KLHL36: variants seen among roughly 807,000 people sequenced by gnomAD.
KLHL36 encodes the protein kelch-like protein 36.
Under a neutral mutation model 53.3 loss-of-function variants are expected in KLHL36, and 35 were observed. That is an observed-to-expected ratio of 0.66 (90% CI 0.50 to 0.87). KLHL36 has a LOEUF of 0.87. Ranked by LOEUF, KLHL36 falls within the 40% of genes least tolerant of loss-of-function variation. The pLI is 0.00. For missense variants in KLHL36, 864 were observed against 897.6 expected (o/e 0.96, Z 0.48); for synonymous variants, 472 against 398.9 (o/e 1.18, Z -2.18).
intron 2 of KLHL36, among the ~76,000 whole-genome samples, chr16:84,652,603 A>T (rs1240157394): frequency 6.6e-6 from 1 of 152,126 alleles, no homozygotes; most frequent in Non-Finnish European, 1.5e-5. Context: ...AAGTGTACCC[A>T]TTAATTTCTA....
At chr16:84,660,695 C>T (rs1273466885) in intron 4 of KLHL36, among the ~76,000 whole-genome samples, 1 of 152,140 alleles carries the variant, frequency 6.6e-6, no homozygotes, top group Non-Finnish European at 1.5e-5. Context: ...GATCTCGGCT[C>T]ACTGCAATCT....
In KLHL36 at chr16:84,666,245, C is replaced by T. The variant is rs1455760389; in HGVS notation, c.*4112C>T. On this transcript the variant is annotated 3_prime_UTR_variant, in exon 5 of 5. Transcript: ENST00000564996. ...TAGAATGCCTGCCGGGGTTTTCCAC[C>T]TCATCCCTTTCCTCCGGCCCCTTGA... 6.6e-6 allele frequency: 1 copy of T among 152,190 alleles called. No individual in the cohort carries two copies. The highest frequency in any genetic ancestry group is 1.5e-5 in the Non-Finnish European group (1 of 68,034). The allele number at this position is 152,190 out of a possible 1,614,324, so 9.4% of individuals were successfully genotyped here.
Position 84,666,951 on chromosome 16 carries a change from C to G in KLHL36, c.*4818C>G, listed in dbSNP as rs1597230411. 1 of 151,762 alleles carries G rather than the reference C, an allele frequency of 6.6e-6. No homozygotes were observed. The highest frequency in any genetic ancestry group is 1.5e-5 in the Non-Finnish European group (1 of 68,022). 9.4% of individuals were successfully genotyped at this position (151,762 alleles called of 1,614,324 possible). On this transcript the variant is annotated 3_prime_UTR_variant, in exon 5 of 5. Coordinates refer to ENST00000564996, the MANE Select transcript of KLHL36 (RefSeq NM_024731.4). ...GTCGTGGTCGCCTGTAATCTCAGCT[C>G]TTCCGGAGGCTGAGGCAGGAGAATC... is the stretch of plus-strand genomic sequence containing the variant.
At chr16:84,655,044 G>T (rs1026627297) in intron 2 of KLHL36, among the ~76,000 whole-genome samples, 4 of 151,774 alleles carry the variant, frequency 2.6e-5, no homozygotes, top group African/African-American at 9.7e-5. Flanking sequence ...CTCTCTTTGT[G>T]GGTAACCAGG....
chr16:84,662,094 G>T lies in KLHL36; in HGVS notation c.1812G>T (p.Lys604Asn), dbSNP rs1448610006. ...ALEPRPEDKK[K>N]KGKGKRHQDR... ...AGCCACGGCCAGAGGACAAGAAGAA[G>T]AAAGGCAAAGGCAAGAGGCACCAGG... Residue 604 changes from lysine to asparagine, a missense_variant, in exon 5 of 5, where the codon AAG (lysine) becomes AAT (asparagine). By Grantham distance (94) the Lys-to-Asn change is moderately conservative (BLOSUM62 0). Coordinates refer to ENST00000564996, the MANE Select transcript of KLHL36 (RefSeq NM_024731.4). 3 of 1,569,536 alleles carry T rather than the reference G, an allele frequency of 1.9e-6. No individual in the cohort carries two copies. The highest frequency in any genetic ancestry group is 2.6e-6 in the Non-Finnish European group (3 of 1,156,652).
Position 84,657,694 on chromosome 16 carries a change from G to T in KLHL36, c.887G>T (p.Arg296Leu), listed in dbSNP as rs773616478. The T allele has an allele frequency of 2.2e-5, 36 of 1,612,600 alleles. No homozygotes were observed. The highest frequency in any genetic ancestry group is 3.3e-5 in the South Asian group (3 of 91,062). ...KRTALRTNQERLLFVGGEVSE... is the reference protein window; with the variant it reads ...KRTALRTNQELLLFVGGEVSE... ...ACGGCGCTGCGCACCAACCAGGAGC[G>T]CCTGCTGTTTGTGGGCGGCGAGGTC... The change falls in exon 3 of 5, where the codon CGC (arginine) becomes CTC (leucine). Residue 296 changes from arginine to leucine, a missense_variant. Physicochemically the swap from Arg to Leu is moderately radical, Grantham distance 102 (BLOSUM62 -2). Coordinates refer to ENST00000564996, the MANE Select transcript of KLHL36 (RefSeq NM_024731.4).
intron 3 of KLHL36, chr16:84,659,547 C>T: frequency 1.8e-6 from 1 of 548,032 alleles, no homozygotes. Context: ...CAGAGCGTCT[C>T]CATCCCACTT....
At chr16:84,658,007 C>A in intron 3 of KLHL36, 63 bp downstream of exon 3, 1 of 1,214,362 alleles carries the variant, frequency 8.2e-7, no homozygotes, top group Non-Finnish European at 1.1e-6. Flanking sequence ...TTAACCTAGC[C>A]TTGACTTTCC....
chr16:84,661,911 G>A lies in KLHL36; in HGVS notation c.1629G>A (p.Val543=), dbSNP rs1295472057. Residue 543 remains valine, a synonymous_variant, in exon 5 of 5, where the codon GTG becomes GTA. Transcript: ENST00000564996. The surrounding 1 kb of genome is among the most constrained non-coding windows in gnomAD (Gnocchi z 7.9). ...CCAACAGCGAGTCGGGCGTGGCAGTGTGGGAGGGCCGCATCTACATCCTGG... is the reference window on the plus strand; with the variant it reads ...CCAACAGCGAGTCGGGCGTGGCAGTATGGGAGGGCCGCATCTACATCCTGG... The part of the protein sequence containing the change: ...LHANSESGVA[V]WEGRIYILGG... 1.9e-6 allele frequency: 3 copies of A among 1,599,750 alleles called. No individual in the cohort carries two copies. The highest frequency in any genetic ancestry group is 8.5e-7 in the Non-Finnish European group (1 of 1,171,054).
chr16:84,651,122 T>C lies in KLHL36; in HGVS notation c.63+192T>C, dbSNP rs79559248. On this transcript the variant is annotated intron_variant, in intron 2 of 4. Transcript: ENST00000564996. ...ATCAGACAGTGGGAAGTATGAGGGA[T>C]GGTAGAGACGCTATGGCCAGATGTC... is the stretch of plus-strand genomic sequence containing the variant. Among the ~76,000 whole-genome samples, 550 of 152,078 alleles carry C rather than the reference T, an allele frequency of 3.6e-3. 3 individuals carry two copies. The highest frequency in any genetic ancestry group is 0.013 in the African/African-American group (526 of 41,470).
chr16:84,651,538 T>C (rs901260879), intron 2 of KLHL36, among the ~76,000 whole-genome samples: 1 of 152,202 alleles, frequency 6.6e-6, no homozygotes, highest in Non-Finnish European at 1.5e-5. Context: ...CCACAGCTGC[T>C]GTTGGTAAAG....
At chr16:84,657,977 T>G in intron 3 of KLHL36, 33 bp downstream of exon 3, 1 of 1,442,248 alleles carries the variant, frequency 6.9e-7, no homozygotes, top group Non-Finnish European at 9.2e-7. Flanking sequence ...TCTTTTCTCT[T>G]GAGGACTCTC....
Position 84,662,604 on chromosome 16 carries a change from G to T in KLHL36, c.*471G>T, listed in dbSNP as rs1176808781. Reference sequence around the variant, plus strand: ...AACCACCAGGAACGGGGAGGAGGTGGTGCCCAGAAGCTGTATTTTAACTAG... The same window carrying T: ...AACCACCAGGAACGGGGAGGAGGTGTTGCCCAGAAGCTGTATTTTAACTAG... On this transcript the variant is annotated 3_prime_UTR_variant, in exon 5 of 5. Transcript: ENST00000564996. 6.5e-6 allele frequency: 1 copy of T among 154,470 alleles called. No individual in the cohort carries two copies. The highest frequency in any genetic ancestry group is 2.4e-5 in the African/African-American group (1 of 41,484). The allele number at this position is 154,470 out of a possible 1,614,324, so 9.6% of individuals were successfully genotyped here. A position where few individuals can be genotyped will look rare whatever the true frequency, so the allele number is the denominator to read the frequency against.
At position 84,664,590 on chromosome 16, in the gene KLHL36, C is replaced by T. The variant is rs949571190; in HGVS notation, c.*2457C>T. 1 of 152,184 alleles carries T rather than the reference C, an allele frequency of 6.6e-6. No individual in the cohort carries two copies. Among genetic ancestry groups the T allele is most frequent in the African/African-American group, 2.4e-5 (1 of 41,438 alleles). 9.4% of individuals were successfully genotyped at this position (152,184 alleles called of 1,614,324 possible). On this transcript the variant is annotated 3_prime_UTR_variant, in exon 5 of 5. Transcript: ENST00000564996. ...TGACATGGCTTTGACCCTAATATTA[C>T]TAAGGTTGGGACCACCCTTTTAAAG...
chr16:84,660,966 G>T (rs1473582416), intron 4 of KLHL36, among the ~76,000 whole-genome samples: 1 of 152,178 alleles, frequency 6.6e-6, no homozygotes, highest in Non-Finnish European at 1.5e-5. Context: ...TTTACATCAG[G>T]GTTCCCACTT....
rs1907334115 is a variant in KLHL36, at chr16:84,658,141, AG to A, written c.1137+201del. The A allele has an allele frequency of 6.0e-6, 3 of 498,340 alleles. No homozygotes were observed. The South Asian group carries it at 1.1e-4, about 19-fold the overall frequency. The allele number at this position is 498,340 out of a possible 1,614,324, so 30.9% of individuals were successfully genotyped here. Reference sequence around the variant, plus strand: ...GAGGGAGAGCCGACCCACCCCTTCGAGGGGTCCGTCATCGTTCAGAGCAGCA... The same window carrying A: ...GAGGGAGAGCCGACCCACCCCTTCGAGGGTCCGTCATCGTTCAGAGCAGCA... On this transcript the variant is annotated intron_variant, in intron 3 of 4. Coordinates refer to ENST00000564996, the MANE Select transcript of KLHL36 (RefSeq NM_024731.4).
In KLHL36 at chr16:84,666,261, G is replaced by C. The variant is rs1441322090; in HGVS notation, c.*4128G>C. On this transcript the variant is annotated 3_prime_UTR_variant, in exon 5 of 5. Transcript: ENST00000564996. ...GTTTTCCACCTCATCCCTTTCCTCCGGCCCCTTGATTTGTGCTGGACAACA... is the reference window on the plus strand; with the variant it reads ...GTTTTCCACCTCATCCCTTTCCTCCCGCCCCTTGATTTGTGCTGGACAACA... 1 of 152,092 alleles carries C rather than the reference G, an allele frequency of 6.6e-6. No homozygotes were observed. 9.4% of individuals were successfully genotyped at this position (152,092 alleles called of 1,614,324 possible). A position where few individuals can be genotyped will look rare whatever the true frequency, so the allele number is the denominator to read the frequency against.
chr16:84,653,480 G>A (rs1046240219), intron 2 of KLHL36, among the ~76,000 whole-genome samples: 12 of 151,848 alleles, frequency 7.9e-5, no homozygotes, highest in African/African-American at 2.9e-4. Flanking sequence ...TTGGGAAATA[G>A]GCCAGGCGCA....
rs373683308 is a variant in KLHL36 at position 84,661,991 on chromosome 16, G to A, written c.1709G>A (p.Arg570His). 2.1e-5 allele frequency: 33 copies of A among 1,594,698 alleles called. No homozygotes were observed. Among genetic ancestry groups the A allele is most frequent in the Middle Eastern group, 3.3e-4 (2 of 6,050 alleles). ...TCCAAGACCGTGCAGGTGTACGACC[G>A]CGAGGCCGACAAGTGGAGCAGGGGC... Reference protein sequence around the residue: ...AFSKTVQVYDREADKWSRGVD... With the variant: ...AFSKTVQVYDHEADKWSRGVD... Residue 570 changes from arginine (R) to histidine (H), a missense_variant, in exon 5 of 5, where the codon CGC becomes CAC. By Grantham distance (29) the Arg-to-His change is conservative. Transcript: ENST00000564996. This position sits in a 1 kb window ranked among gnomAD's most constrained non-coding sequence, Gnocchi z 7.9.
Sources: allele counts gnomAD v4.1 joint callset (sites outside exome capture counted in the v4.1 genomes callset), GRCh38; gene constraint gnomAD v4.1.1; non-coding constraint Gnocchi (gnomAD v3.1); transcripts MANE v1.5; gene names NCBI Gene and HGNC (gene_info 2026-07-23, HGNC 2026-07-21).